FBN1: variants seen among roughly 807,000 people sequenced by gnomAD.
FBN1 encodes fibrillin-1.
Under a neutral mutation model 365.1 loss-of-function variants are expected in FBN1, and 29 were observed. The ratio of observed to expected loss-of-function variants is 0.08; its 90% confidence interval spans 0.06 to 0.11. The LOEUF is 0.11. FBN1 is among the 10% of genes least tolerant of loss of function. The probability of loss-of-function intolerance (pLI) is 1.00; values close to 1 mark genes in which losing one functional copy is unlikely to be tolerated. For synonymous variants in FBN1, 1,210 were observed against 1,270.5 expected (o/e 0.95, Z 1.01); for missense variants, 2,476 against 3,703.2 (o/e 0.67, Z 8.60).
At chr15:48,414,497 T>C (rs2042886845) in intron 64 of FBN1, among the ~76,000 whole-genome samples, 1 of 152,176 alleles carries the variant, frequency 6.6e-6, no homozygotes, top group Non-Finnish European at 1.5e-5. Flanking sequence ...CCTCTCAGGA[T>C]AGCTAAAACT....
chr15:48,496,971 T>A (rs2043613562), intron 19 of FBN1, among the ~76,000 whole-genome samples: 1 of 152,228 alleles, frequency 6.6e-6, no homozygotes, highest in Non-Finnish European at 1.5e-5. Flanking sequence ...GCTCAGAATC[T>A]CTGCATCTTA....
chr15:48,620,045 C>T (rs1162620906), intron 2 of FBN1, among the ~76,000 whole-genome samples: 1 of 152,182 alleles, frequency 6.6e-6, no homozygotes, highest in East Asian at 1.9e-4. Flanking sequence ...CTGCCCCTTT[C>T]CTGAGAGCCA....
chr15:48,526,712 G>C (rs1000042233), intron 8 of FBN1, among the ~76,000 whole-genome samples: 2 of 152,166 alleles, frequency 1.3e-5, no homozygotes, highest in Admixed American at 6.5e-5. Flanking sequence ...AAGAGATCTT[G>C]TGGTCTGAGT....
intron 17 of FBN1, among the ~76,000 whole-genome samples, chr15:48,500,993 C>T (rs1219243762): frequency 1.3e-5 from 2 of 152,228 alleles, no homozygotes; most frequent in Admixed American, 6.5e-5. Context: ...GGATATCCTA[C>T]ATTCGGATGG....
intron 6 of FBN1, among the ~76,000 whole-genome samples, chr15:48,570,296 C>T (rs192017424): frequency 5.9e-5 from 9 of 152,244 alleles, no homozygotes; most frequent in Non-Finnish European, 8.8e-5. Flanking sequence ...ATCAAACCTG[C>T]GGTTATGACC....
At chr15:48,491,586 C>T (rs539429912) in intron 24 of FBN1, among the ~76,000 whole-genome samples, 4 of 152,250 alleles carry the variant, frequency 2.6e-5, no homozygotes, top group African/African-American at 4.8e-5. Context: ...CTCCTGACCT[C>T]GTGATCCACC....
intron 11 of FBN1, 108 bp from the exon 12 acceptor site, chr15:48,515,635 A>G: frequency 2.8e-6 from 4 of 1,427,412 alleles, no homozygotes; most frequent in Non-Finnish European, 3.9e-6. Context: ...GAAAGAGGAT[A>G]CTCTTTGGGC....
chr15:48,506,286 C>A (rs528815921), intron 15 of FBN1, among the ~76,000 whole-genome samples: 43 of 152,234 alleles, frequency 2.8e-4, no homozygotes, highest in Non-Finnish European at 5.9e-4. Context: ...TTATAATATA[C>A]AACTAGTGTA....
rs765595961 is a variant in FBN1, at chr15:48,513,643, G to A, written c.1494C>T (p.Pro498=). 1.1e-5 allele frequency: 18 copies of A among 1,613,828 alleles called. No individual in the cohort carries two copies. Among genetic ancestry groups the A allele is most frequent in the South Asian group, 5.5e-5 (5 of 91,084 alleles). Reference sequence around the variant, plus strand: ...TGTTAATACACTCACCACCAGCACAGGGGTTTTTCTCACATTCATCAACAT... The same window carrying A: ...TGTTAATACACTCACCACCAGCACAAGGGTTTTTCTCACATTCATCAACAT... ...CIDVDECEKN[P]CAGGECINNQ... The change falls in exon 13 of 66, where the codon CCC becomes CCT. Residue 498 remains proline (P), a synonymous_variant. Coordinates refer to ENST00000316623, the MANE Select transcript of FBN1 (RefSeq NM_000138.5).
chr15:48,432,014 T>C lies in FBN1; in HGVS notation c.6739+852A>G, dbSNP rs900728905. Among the ~76,000 whole-genome samples the C allele has an allele frequency of 2.0e-5, 3 of 152,314 alleles. No homozygotes were observed. In the South Asian group the frequency reaches 6.2e-4, roughly 32 times the overall value. On this transcript the variant is annotated intron_variant, in intron 55 of 65. Coordinates refer to ENST00000316623, the MANE Select transcript of FBN1 (RefSeq NM_000138.5). ...AACAGGATATAATAGTAAATGACTA[T>C]TTTATATTATATATCTCAAATATCT... is the stretch of plus-strand genomic sequence containing the variant.
chr15:48,642,262 C>T (rs1311408186), intron 2 of FBN1: 1 of 152,204 alleles, frequency 6.6e-6, no homozygotes, highest in Non-Finnish European at 1.5e-5. Context: ...ACCTGTAATC[C>T]CAGCTACTCT....
Position 48,427,461 on chromosome 15 carries a change from A to G in FBN1, c.7204+106T>C. ...AATTTTTGTTGGCCTCAGCTGTGCA[A>G]TTCAACCTAGGCACATATTGCAAAC... On this transcript the variant is annotated intron_variant, in intron 58 of 65. Coordinates refer to ENST00000316623, the MANE Select transcript of FBN1 (RefSeq NM_000138.5). The G allele has an allele frequency of 3.1e-5, 38 of 1,212,864 alleles. 2 individuals carry two copies. The highest frequency in any genetic ancestry group is 3.9e-5 in the Non-Finnish European group (33 of 840,696). The allele number at this position is 1,212,864 out of a possible 1,614,324, so 75.1% of individuals were successfully genotyped here.
chr15:48,410,955 TTTTTC>T lies in FBN1; in HGVS notation c.*30_*34del. ...ATATAGTTCTACCTATCTATATTTGTTTTTCTTTTAATTATTTGGTCTCTGGATGG... is the reference window on the plus strand; with the variant it reads ...ATATAGTTCTACCTATCTATATTTGTTTTTAATTATTTGGTCTCTGGATGG... On this transcript the variant is annotated 3_prime_UTR_variant, in exon 66 of 66. Coordinates refer to ENST00000316623, the MANE Select transcript of FBN1 (RefSeq NM_000138.5). The T allele has an allele frequency of 6.3e-7, 1 of 1,596,464 alleles. No individual in the cohort carries two copies. The highest frequency in any genetic ancestry group is 8.6e-7 in the Non-Finnish European group (1 of 1,167,604).
intron 6 of FBN1, among the ~76,000 whole-genome samples, chr15:48,561,437 T>C (rs547419457): frequency 1.3e-5 from 2 of 152,172 alleles, no homozygotes; most frequent in Non-Finnish European, 2.9e-5. Flanking sequence ...ATAGAAAATA[T>C]TCACTGAAAA....
At chr15:48,623,545 A>T (rs1414383597) in intron 2 of FBN1, among the ~76,000 whole-genome samples, 2 of 152,236 alleles carry the variant, frequency 1.3e-5, no homozygotes, top group African/African-American at 4.8e-5. Context: ...GAAGAAAAAA[A>T]ATCCCACAAG....
At chr15:48,436,432 T>C (rs1353159184) in intron 53 of FBN1, among the ~76,000 whole-genome samples, 1 of 152,204 alleles carries the variant, frequency 6.6e-6, no homozygotes, top group Admixed American at 6.5e-5. Context: ...TAACTAAATA[T>C]GATCCTTGGA....
rs191897840 is a variant in FBN1, at chr15:48,442,136, C to T, written c.6038-290G>A. On this transcript the variant is annotated intron_variant, in intron 49 of 65. Coordinates refer to ENST00000316623, the MANE Select transcript of FBN1 (RefSeq NM_000138.5). ...GAGTTGCTTGGCTAACTAGAAAAGT[C>T]AGAGTAATTTCATAGTACCCTAGGC... Among the ~76,000 whole-genome samples, 26 of 152,268 alleles carry T rather than the reference C, an allele frequency of 1.7e-4. No individual in the cohort carries two copies. The East Asian group carries it at 4.2e-3, about 25-fold the overall frequency.
chr15:48,444,592 A>G lies in FBN1; in HGVS notation c.5986T>C (p.Tyr1996His). 1.2e-6 allele frequency: 2 copies of G among 1,613,688 alleles called. No individual in the cohort carries two copies. Among genetic ancestry groups the G allele is most frequent in the Non-Finnish European group, 1.7e-6 (2 of 1,179,696 alleles). The part of the protein sequence containing the change: ...PGTCQNLDGS[Y>H]RCICPPGYSL... ...TATCCAGGTGGGCAAATGCATCTGT[A>G]GGACCCATCCAAGTTTTGACAGGTA... is the stretch of plus-strand genomic sequence containing the variant. The change falls in exon 49 of 66, where the codon TAC becomes CAC. Residue 1996 changes from tyrosine to histidine, a missense_variant. Tyr to His is a moderately conservative substitution (Grantham distance 83). Around this residue, in one of 5 missense-constraint regions of FBN1, gnomAD observed 1,780 missense variants for 2,840.8 expected, o/e 0.63. Coordinates refer to ENST00000316623, the MANE Select transcript of FBN1 (RefSeq NM_000138.5).
chr15:48,576,546 C>A (rs759127956), intron 6 of FBN1, among the ~76,000 whole-genome samples: 4 of 152,118 alleles, frequency 2.6e-5, no homozygotes, highest in Non-Finnish European at 5.9e-5. Flanking sequence ...CATCCAGTGC[C>A]TGCTGGAGGA....
Sources: allele counts gnomAD v4.1 joint callset (sites outside exome capture counted in the v4.1 genomes callset), GRCh38; gene constraint gnomAD v4.1.1; regional missense constraint gnomAD v4.1.1; transcripts MANE v1.5; gene names NCBI Gene and HGNC (gene_info 2026-07-23, HGNC 2026-07-21).